Variants in NEBL observed in about 807,000 individuals in gnomAD.
NEBL encodes LIM and SH3 protein 2.
NEBL carries 122 observed loss-of-function variants against 140.2 expected under a neutral mutation model. The ratio of observed to expected loss-of-function variants is 0.87; its 90% CI spans 0.75 to 1.01. The LOEUF is 1.01. Ranked by LOEUF, NEBL falls within the 50% of genes least tolerant of loss-of-function variation. The pLI, the probability that NEBL is intolerant of heterozygous loss-of-function variation, is 0.00. For missense variants in NEBL, 1,365 were observed against 1,231.3 expected, an observed-to-expected ratio of 1.11 and a Z score of -1.62; for synonymous variants, 436 against 398.9, an observed-to-expected ratio of 1.09 and a Z score of -1.11.
intron 3 of NEBL, among the ~76,000 whole-genome samples, chr10:21,190,425 A>T (rs1382861150): frequency 6.6e-6 from 1 of 152,184 alleles, no homozygotes; most frequent in African/African-American, 2.4e-5. Context: ...TAGAGGCTAC[A>T]TTGAGCTATG....
intron 1 of NEBL, among the ~76,000 whole-genome samples, chr10:21,273,797 C>T (rs1411439964): frequency 3.3e-5 from 5 of 152,208 alleles, no homozygotes; most frequent in African/African-American, 1.2e-4. Flanking sequence ...TCCCAGGGTT[C>T]TCAGCTTATC....
At chr10:20,999,357 G>A (rs1404339453) in intron 3 of NEBL, among the ~76,000 whole-genome samples, 1 of 152,208 alleles carries the variant, frequency 6.6e-6, no homozygotes, top group Non-Finnish European at 1.5e-5. Context: ...AGCACTTTGG[G>A]AGGGTAAGGT....
At chr10:20,836,016 C>T (rs1588731623) in intron 13 of NEBL, among the ~76,000 whole-genome samples, 1 of 152,266 alleles carries the variant, frequency 6.6e-6, no homozygotes, top group Admixed American at 6.5e-5. Context: ...GTTTACTCAT[C>T]TGCAAAATGA....
In NEBL at chr10:20,815,612, G is replaced by A. The variant is rs751844171; in HGVS notation, c.2241+13C>T. 1 of 1,580,952 alleles carries A rather than the reference G, an allele frequency of 6.3e-7. No individual in the cohort carries two copies. Among genetic ancestry groups the A allele is most frequent in the Non-Finnish European group, 8.7e-7 (1 of 1,150,280 alleles). On this transcript the variant is annotated intron_variant, in intron 22 of 27. Coordinates refer to ENST00000377122, the MANE Select transcript of NEBL (RefSeq NM_006393.3). ...ATCCTTTGTGATAGTCTAAAATGAA[G>A]AAAACCACTTGCCGAGCTAATATTT...
chr10:21,061,350 A>G (rs976175723), intron 2 of NEBL, among the ~76,000 whole-genome samples: 1 of 148,982 alleles, frequency 6.7e-6, no homozygotes, highest in Admixed American at 6.7e-5. Context: ...GTAATATGTT[A>G]CATAATATAT....
At chr10:21,175,746 T>C (rs1174636134), upstream of NEBL, among the ~76,000 whole-genome samples, 1 of 152,190 alleles carries the variant, frequency 6.6e-6, no homozygotes, top group Non-Finnish European at 1.5e-5. Flanking sequence ...GGATCAGCTG[T>C]CTTTTAAAAA....
At chr10:21,142,414 G>T (rs1317603399) in intron 2 of NEBL, among the ~76,000 whole-genome samples, 1 of 151,972 alleles carries the variant, frequency 6.6e-6, no homozygotes, top group African/African-American at 2.4e-5. Context: ...CTCAGTCCAT[G>T]GCAAAACTAC....
chr10:21,217,048 T>C (rs752755450), intron 3 of NEBL, among the ~76,000 whole-genome samples: 3 of 151,922 alleles, frequency 2.0e-5, no homozygotes, highest in Non-Finnish European at 4.4e-5. Flanking sequence ...AGGAACACAA[T>C]ACCCCTGGGA....
intron 3 of NEBL, among the ~76,000 whole-genome samples, chr10:20,996,220 T>C (rs530758807): frequency 6.6e-6 from 1 of 152,210 alleles, no homozygotes; most frequent in Non-Finnish European, 1.5e-5. Context: ...GGTTCTCCCA[T>C]GTGAAGTTTT....
intron 1 of NEBL, among the ~76,000 whole-genome samples, chr10:21,256,654 G>A (rs1564550808): frequency 6.6e-6 from 1 of 152,112 alleles, no homozygotes. Flanking sequence ...AACATAGTGA[G>A]ACCCTGTCTC....
chr10:21,100,956 A>G (rs1343243799), intron 2 of NEBL, among the ~76,000 whole-genome samples: 5 of 152,196 alleles, frequency 3.3e-5, no homozygotes, highest in Non-Finnish European at 7.3e-5. Flanking sequence ...CGAAGTTTCC[A>G]TTCCCACACA....
intron 2 of NEBL, among the ~76,000 whole-genome samples, chr10:21,117,795 G>A (rs1482403677): frequency 6.6e-6 from 1 of 152,052 alleles, no homozygotes; most frequent in Non-Finnish European, 1.5e-5. Flanking sequence ...GTTGAGTATA[G>A]CGTGGTGGTT....
In NEBL at chr10:21,173,684, A is replaced by G; in HGVS notation, c.69+81T>C. 4 of 1,603,252 alleles carry G rather than the reference A, an allele frequency of 2.5e-6. No homozygotes were observed. The highest frequency in any genetic ancestry group is 3.4e-6 in the Non-Finnish European group (4 of 1,177,850). ...CGCACCGACCCACTCATTGCTTTCCATCCCAGGTGCCAAAACTTCTCGAAG... is the reference window on the plus strand; with the variant it reads ...CGCACCGACCCACTCATTGCTTTCCGTCCCAGGTGCCAAAACTTCTCGAAG... On this transcript the variant is annotated intron_variant, in intron 1 of 6. Coordinates refer to the NEBL transcript ENST00000417816. This position sits in a 1 kb window ranked among gnomAD's most constrained non-coding sequence, Gnocchi z 5.7.
chr10:21,189,025 T>C (rs1036502279), intron 3 of NEBL, among the ~76,000 whole-genome samples: 1 of 152,222 alleles, frequency 6.6e-6, no homozygotes, highest in African/African-American at 2.4e-5. Flanking sequence ...ATTGGAAATA[T>C]ACATACTGTA....
Position 20,961,668 on chromosome 10 carries a change from C to A in NEBL, c.357+4G>T, listed in dbSNP as rs1401946369. On this transcript the variant is annotated splice_donor_region_variant and intron_variant, in intron 4 of 6. Transcript: ENST00000417816. ...ATCATGCTATTGAATAAACAGGCAC[C>A]TACATTACTGATTTGCTCCTGAGTC... 5 of 1,595,708 alleles carry A rather than the reference C, an allele frequency of 3.1e-6. No individual in the cohort carries two copies. The East Asian group carries it at 1.1e-4, about 36-fold the overall frequency.
At chr10:21,126,152 T>C (rs2132056952) in intron 2 of NEBL, 1 of 1,589,050 alleles carries the variant, frequency 6.3e-7, no homozygotes, top group Non-Finnish European at 8.6e-7. Flanking sequence ...CTGTCCGTTC[T>C]TCAAGCCTGG....
intron 4 of NEBL, among the ~76,000 whole-genome samples, chr10:20,935,231 A>G (rs950693218): frequency 1.3e-5 from 2 of 152,214 alleles, no homozygotes; most frequent in Admixed American, 6.5e-5. Context: ...GAGATTTTGT[A>G]TAATACACAA....
At chr10:20,949,632 G>T (rs1032436835) in intron 4 of NEBL, among the ~76,000 whole-genome samples, 7 of 152,052 alleles carry the variant, frequency 4.6e-5, no homozygotes, top group African/African-American at 1.7e-4. Flanking sequence ...TTAAGATACT[G>T]ATTTTTTTTA....
chr10:20,937,096 T>C (rs1834530975), intron 4 of NEBL, among the ~76,000 whole-genome samples: 2 of 152,166 alleles, frequency 1.3e-5, no homozygotes, highest in Non-Finnish European at 2.9e-5. Context: ...CAGGCTCAGC[T>C]TTCTCCTGCC....
Sources: gnomAD v4.1 joint callset for allele counts (sites outside exome capture counted in the v4.1 genomes callset) on GRCh38, gnomAD v4.1.1 for gene constraint, Gnocchi (gnomAD v3.1) non-coding constraint, MANE v1.5 for transcripts, NCBI Gene and HGNC (gene_info 2026-07-23, HGNC 2026-07-21) for gene names.